The following BMPER variants were observed in gnomAD, a reference collection of about 807,000 sequenced individuals.
BMPER encodes the protein BMP-binding endothelial regulator protein.
A neutral mutation model predicts 87.3 loss-of-function variants in BMPER; 45 were observed. The ratio of observed to expected loss-of-function variants is 0.52; its 90% CI spans 0.41 to 0.66. The LOEUF (loss-of-function observed/expected upper bound fraction) is 0.66. Ranked by LOEUF, BMPER falls within the 30% of genes least tolerant of loss-of-function variation. The probability of loss-of-function intolerance (pLI) is 0.00; values close to 1 mark genes in which losing one functional copy is unlikely to be tolerated. For synonymous variants in BMPER, 326 were observed against 316.2 expected (o/e 1.03, Z -0.33); for missense variants, 784 against 867.5 (o/e 0.90, Z 1.21).
chr7:33,983,098 C>T (rs1169824832), intron 6 of BMPER, among the ~76,000 whole-genome samples: 2 of 152,146 alleles, frequency 1.3e-5, no homozygotes, highest in Admixed American at 6.5e-5. Context: ...GTACTTTTAG[C>T]AAGTTCTTGA....
intron 3 of BMPER, among the ~76,000 whole-genome samples, chr7:33,943,625 A>G (rs1784816866): frequency 6.6e-6 from 1 of 152,164 alleles, no homozygotes; most frequent in Admixed American, 6.5e-5. Context: ...TTTTTACTAA[A>G]TGGCTCCAAA....
At chr7:34,005,622 C>T (rs558900754) in intron 6 of BMPER, among the ~76,000 whole-genome samples, 1 of 151,932 alleles carries the variant, frequency 6.6e-6, no homozygotes, top group South Asian at 2.1e-4. Context: ...CCAGTCTTGT[C>T]TCAAACTCCT....
chr7:34,119,877 G>A (rs916914345), intron 13 of BMPER, among the ~76,000 whole-genome samples: 12 of 152,094 alleles, frequency 7.9e-5, no homozygotes, highest in Admixed American at 3.9e-4. Flanking sequence ...TGAAAGTAAA[G>A]ATGTGAAAAA....
chr7:34,064,401 A>G (rs1198388160), intron 11 of BMPER, among the ~76,000 whole-genome samples: 1 of 152,238 alleles, frequency 6.6e-6, no homozygotes, highest in Non-Finnish European at 1.5e-5. Flanking sequence ...AAAAATCTAC[A>G]TTATATTATC....
chr7:34,119,014 T>TCTCTCACACACACACACACACACACACA (rs66493349), intron 13 of BMPER, among the ~76,000 whole-genome samples: 152 of 135,780 alleles, frequency 1.1e-3, no homozygotes, highest in East Asian at 2.6e-3. Context: ...TCTCTCTCTC[T>TCTCTCACACACACACACACACACACACA]CACACACACA....
At chr7:34,104,515 T>G (rs905616727) in intron 13 of BMPER, among the ~76,000 whole-genome samples, 8 of 152,194 alleles carry the variant, frequency 5.3e-5, no homozygotes, top group African/African-American at 1.9e-4. Context: ...GTTCATGGGT[T>G]TTTTTTGGCA....
At chr7:33,926,181 G>T (rs980104658) in intron 2 of BMPER, among the ~76,000 whole-genome samples, 4 of 152,102 alleles carry the variant, frequency 2.6e-5, no homozygotes, top group African/African-American at 9.7e-5. Context: ...CTGCCATAGG[G>T]GCTCAAAAAT....
At chr7:33,975,552 T>A (rs1785666270) in intron 6 of BMPER, among the ~76,000 whole-genome samples, 1 of 152,160 alleles carries the variant, frequency 6.6e-6, no homozygotes, top group African/African-American at 2.4e-5. Flanking sequence ...TATGTTAAAT[T>A]TAGGGTGAAA....
chr7:34,062,774 T>A (rs1237771679), intron 11 of BMPER, among the ~76,000 whole-genome samples: 1 of 152,194 alleles, frequency 6.6e-6, no homozygotes, highest in Non-Finnish European at 1.5e-5. Flanking sequence ...TGTAGGCAAT[T>A]GTAATACATG....
At chr7:34,148,985 A>G (rs960618641) in intron 14 of BMPER, among the ~76,000 whole-genome samples, 4 of 152,208 alleles carry the variant, frequency 2.6e-5, no homozygotes, top group African/African-American at 4.8e-5. Flanking sequence ...TAAAATCCAC[A>G]CTAGGAAAAG....
chr7:33,905,514 G>A (rs1485949107), upstream of BMPER: 1 of 1,315,112 alleles, frequency 7.6e-7, no homozygotes, highest in East Asian at 4.6e-5. Context: ...ACGGTCTCCC[G>A]ACACGCCGGC....
intron 3 of BMPER, among the ~76,000 whole-genome samples, chr7:33,963,936 CT>C (rs1785339006): frequency 6.6e-6 from 1 of 152,178 alleles, no homozygotes; most frequent in East Asian, 1.9e-4. Context: ...TATATTCCAT[CT>C]CTCTGGAATT....
intron 13 of BMPER, among the ~76,000 whole-genome samples, chr7:34,098,256 T>A (rs1443006401): frequency 6.6e-6 from 1 of 152,114 alleles, no homozygotes; most frequent in Non-Finnish European, 1.5e-5. Flanking sequence ...GCTTTGTTGC[T>A]GGACAGAAAT....
chr7:34,139,331 T>G (rs1475273170), intron 13 of BMPER, among the ~76,000 whole-genome samples: 1 of 152,244 alleles, frequency 6.6e-6, no homozygotes, highest in East Asian at 1.9e-4. Flanking sequence ...GGAGGAACGT[T>G]GAATAACTAA....
At chr7:33,912,952 C>G (rs1352849248) in intron 2 of BMPER, among the ~76,000 whole-genome samples, 2 of 152,172 alleles carry the variant, frequency 1.3e-5, no homozygotes, top group Non-Finnish European at 2.9e-5. Context: ...TTAGCCCTTT[C>G]TGTGTTTGAA....
chr7:34,002,841 G>A lies in BMPER; in HGVS notation c.576+28057G>A, dbSNP rs78976007. ...GTATAGTCCCTACTGCTCTCTTTCA[G>A]TTACTTTGCATAGTATATCTTTCTT... On this transcript the variant is annotated intron_variant, in intron 6 of 14. Coordinates refer to ENST00000649409, the MANE Select transcript of BMPER (RefSeq NM_001365308.1). Among the ~76,000 whole-genome samples, 1,486 of 151,538 alleles carry A rather than the reference G, an allele frequency of 9.8e-3. 21 individuals are homozygous for A. The highest frequency in any genetic ancestry group is 0.041 in the East Asian group (213 of 5,138).
intron 3 of BMPER, among the ~76,000 whole-genome samples, chr7:33,960,516 C>T (rs1015514064): frequency 1.3e-5 from 2 of 152,210 alleles, no homozygotes; most frequent in African/African-American, 4.8e-5. Context: ...CCTGTCTGCT[C>T]TGTTTCCTTG....
intron 14 of BMPER, among the ~76,000 whole-genome samples, chr7:34,145,161 A>G (rs936967078): frequency 5.9e-5 from 9 of 152,202 alleles, no homozygotes; most frequent in Non-Finnish European, 8.8e-5. Context: ...ACCTGCAGCC[A>G]GTGTTGAAAC....
chr7:33,984,743 GA>G (rs1351354639), intron 6 of BMPER, among the ~76,000 whole-genome samples: 4 of 152,208 alleles, frequency 2.6e-5, no homozygotes, highest in Non-Finnish European at 5.9e-5. Flanking sequence ...GTTGGTAGAA[GA>G]ATTAGCTCAA....
Sources: gnomAD v4.1 joint callset for allele counts (sites outside exome capture counted in the v4.1 genomes callset) on GRCh38, gnomAD v4.1.1 for gene constraint, MANE v1.5 for transcripts, NCBI Gene and HGNC (gene_info 2026-07-23, HGNC 2026-07-21) for gene names.